Variants in RTN4IP1 observed in about 807,000 individuals in gnomAD.
RTN4IP1 encodes the protein NAD(P)H oxidoreductase RTN4IP1, mitochondrial.
In RTN4IP1, 32 loss-of-function variants were observed where a neutral mutation model predicts 46.6. The ratio of observed to expected loss-of-function variants is 0.69; its 90% CI spans 0.52 to 0.92. RTN4IP1 has a LOEUF of 0.92. Ranked by LOEUF, RTN4IP1 falls within the 40% of genes least tolerant of loss-of-function variation. RTN4IP1 has a pLI of 0.00. For missense variants in RTN4IP1, 424 were observed against 485.8 expected, an observed-to-expected ratio of 0.87 and a Z score of 1.20; for synonymous variants, 167 against 161.8, an observed-to-expected ratio of 1.03 and a Z score of -0.24.
chr6:106,620,746 A>G (rs1281315101), intron 3 of RTN4IP1, among the ~76,000 whole-genome samples: 1 of 152,150 alleles, frequency 6.6e-6, no homozygotes, highest in Non-Finnish European at 1.5e-5. Context: ...ACAGATGTTC[A>G]GTAATGTTAT....
At chr6:106,596,969 T>C (rs1182637895) in intron 5 of RTN4IP1, among the ~76,000 whole-genome samples, 1 of 152,182 alleles carries the variant, frequency 6.6e-6, no homozygotes, top group South Asian at 2.1e-4. Context: ...ATTTTATTTC[T>C]CTTATAAGTC....
chr6:106,618,696 C>A (rs1446500805), intron 4 of RTN4IP1, among the ~76,000 whole-genome samples: 1 of 152,100 alleles, frequency 6.6e-6, no homozygotes, highest in South Asian at 2.1e-4. Context: ...TCAGAATTGA[C>A]CTAATGGATA....
intron 8 of RTN4IP1, among the ~76,000 whole-genome samples, chr6:106,580,380 A>T (rs916489635): frequency 2.0e-5 from 3 of 152,088 alleles, no homozygotes; most frequent in African/African-American, 7.2e-5. Flanking sequence ...GATAAATTCC[A>T]GACACTAAAT....
intron 1 of RTN4IP1, among the ~76,000 whole-genome samples, chr6:106,623,957 A>G (rs1310265184): frequency 5.3e-5 from 8 of 152,260 alleles, no homozygotes; most frequent in Non-Finnish European, 1.2e-4. Flanking sequence ...TGTTTCTAGA[A>G]CAACATCTTT....
chr6:106,598,587 T>C (rs935325478), intron 5 of RTN4IP1, among the ~76,000 whole-genome samples: 1 of 151,938 alleles, frequency 6.6e-6, no homozygotes, highest in African/African-American at 2.4e-5. Context: ...TTGTAGATTC[T>C]GGATATTAGC....
At chr6:106,592,075 A>G (rs960591655) in intron 6 of RTN4IP1, 89 bp downstream of exon 6, 1 of 1,332,154 alleles carries the variant, frequency 7.5e-7, no homozygotes, top group Admixed American at 2.2e-5. Context: ...AGATTCCAAC[A>G]TGATTGTAAA....
In RTN4IP1 at chr6:106,627,574, A is replaced by G. The variant is rs150179072; in HGVS notation, c.274+1174T>C. ...GAAAAAACATGCTGATCATTGAGTA[A>G]AACTTACCACTAAAAGACATATCTT... On this transcript the variant is annotated intron_variant, in intron 1 of 8. Coordinates refer to ENST00000369063, the MANE Select transcript of RTN4IP1 (RefSeq NM_032730.5). Among the ~76,000 whole-genome samples the G allele has an allele frequency of 3.4e-3, 511 of 152,194 alleles. 5 individuals carry two copies. Among genetic ancestry groups the G allele is most frequent in the African/African-American group, 0.012 (479 of 41,534 alleles).
At chr6:106,626,346 AG>A (rs1776644335) in intron 1 of RTN4IP1, among the ~76,000 whole-genome samples, 1 of 152,070 alleles carries the variant, frequency 6.6e-6, no homozygotes, top group South Asian at 2.1e-4. Flanking sequence ...ATACTCTGTC[AG>A]GGAAAAAAAA....
At chr6:106,578,686 G>A (rs774101266) in intron 8 of RTN4IP1, among the ~76,000 whole-genome samples, 3 of 152,122 alleles carry the variant, frequency 2.0e-5, no homozygotes, top group East Asian at 3.9e-4. Context: ...GAGCAGCTGC[G>A]GGGAAAGAAC....
At chr6:106,589,126 GGAAGAA>G (rs1212804148) in intron 6 of RTN4IP1, among the ~76,000 whole-genome samples, 9 of 109,184 alleles carry the variant, frequency 8.2e-5, no homozygotes, top group Admixed American at 3.2e-4. Flanking sequence ...AGGAAGAAGA[GGAAGAA>G]GAAGAAGAGG....
intron 5 of RTN4IP1, among the ~76,000 whole-genome samples, chr6:106,596,392 A>G (rs931219603): frequency 6.6e-6 from 1 of 152,164 alleles, no homozygotes; most frequent in African/African-American, 2.4e-5. Context: ...AGACCAGCCC[A>G]GGCAACACAG....
chr6:106,596,513 GT>G, intron 5 of RTN4IP1, among the ~76,000 whole-genome samples: 1 of 152,262 alleles, frequency 6.6e-6, no homozygotes, highest in East Asian at 1.9e-4. Flanking sequence ...AGCCCAGGAG[GT>G]TGAGGTTGCA....
chr6:106,579,683 T>C (rs956265930), intron 8 of RTN4IP1, among the ~76,000 whole-genome samples: 1 of 152,060 alleles, frequency 6.6e-6, no homozygotes, highest in African/African-American at 2.4e-5. Context: ...TGCTCATTAT[T>C]GTGGATATTA....
chr6:106,605,176 C>T (rs1776031923), intron 4 of RTN4IP1, among the ~76,000 whole-genome samples: 1 of 152,236 alleles, frequency 6.6e-6, no homozygotes, highest in Non-Finnish European at 1.5e-5. Context: ...TAGCTCATGC[C>T]TGTAATCCCA....
At chr6:106,588,817 A>C (rs1356794243) in intron 6 of RTN4IP1, among the ~76,000 whole-genome samples, 1 of 152,100 alleles carries the variant, frequency 6.6e-6, no homozygotes, top group Non-Finnish European at 1.5e-5. Flanking sequence ...GAACTAAAAT[A>C]AAGAAGGGCA....
At chr6:106,621,536 AT>A (rs34568182) in intron 2 of RTN4IP1, 43 bp from the exon 3 acceptor site, 2 of 1,565,136 alleles carry the variant, frequency 1.3e-6, no homozygotes, top group Non-Finnish European at 1.8e-6. Context: ...AAACACAGAT[AT>A]TTTTTGACCG....
chr6:106,591,752 C>A (rs1775668891), intron 6 of RTN4IP1, among the ~76,000 whole-genome samples: 1 of 152,142 alleles, frequency 6.6e-6, no homozygotes, highest in Non-Finnish European at 1.5e-5. Context: ...TTTAGACTTA[C>A]ACTGTTTCTC....
At chr6:106,623,943 A>C (rs1476571387) in intron 1 of RTN4IP1, among the ~76,000 whole-genome samples, 2 of 152,260 alleles carry the variant, frequency 1.3e-5, no homozygotes, top group African/African-American at 4.8e-5. Flanking sequence ...CACATCCTTA[A>C]ACATGTTTCT....
chr6:106,623,538 G>GT (rs1422065051), intron 1 of RTN4IP1, among the ~76,000 whole-genome samples: 1 of 152,038 alleles, frequency 6.6e-6, no homozygotes, highest in Non-Finnish European at 1.5e-5. Context: ...CAACTTAAAA[G>GT]TTTTTTAAAA....
Sources: gnomAD v4.1 joint callset for allele counts (sites outside exome capture counted in the v4.1 genomes callset) on GRCh38, gnomAD v4.1.1 for gene constraint, MANE v1.5 for transcripts, NCBI Gene and HGNC (gene_info 2026-07-23, HGNC 2026-07-21) for gene names.